The following LRP1B variants were observed in gnomAD, a reference collection of about 807,000 sequenced individuals.
LRP1B encodes the protein low-density lipoprotein receptor-related protein 1B.
A neutral mutation model predicts 556.6 loss-of-function variants in LRP1B; 217 were observed. The observed-to-expected ratio is 0.39, with a 90% confidence interval of 0.35 to 0.44. The LOEUF is 0.44. Among genes scored for constraint, LRP1B ranks in the 20% least tolerant of loss-of-function variants. The pLI is 1.00. For synonymous variants in LRP1B, 2,047 were observed against 1,865.8 expected (o/e 1.10, Z -2.50); for missense variants, 5,053 against 5,620.8 (o/e 0.90, Z 3.23).
intron 1 of LRP1B, among the ~76,000 whole-genome samples, chr2:142,034,553 G>A (rs1485947244): frequency 1.3e-5 from 2 of 151,576 alleles, no homozygotes; most frequent in African/African-American, 4.8e-5. Context: ...CTATTCTTTT[G>A]GAGAGTAGTA....
intron 41 of LRP1B, among the ~76,000 whole-genome samples, chr2:140,611,596 T>C (rs769709343): frequency 2.0e-5 from 3 of 152,020 alleles, no homozygotes; most frequent in Non-Finnish European, 2.9e-5. Flanking sequence ...AAGGAATAAG[T>C]ACAGAAAATT....
chr2:141,042,263 G>C (rs1413695343), intron 11 of LRP1B, among the ~76,000 whole-genome samples: 4 of 151,996 alleles, frequency 2.6e-5, no homozygotes, highest in Non-Finnish European at 5.9e-5. Context: ...AACTTTTTCT[G>C]GAGCAATCAA....
At chr2:141,644,729 T>TCA (rs3039268) in intron 2 of LRP1B, among the ~76,000 whole-genome samples, 22,215 of 141,098 alleles carry the variant, frequency 0.16, 2,063 homozygotes, top group African/African-American at 0.27. Context: ...CAGTCATTGA[T>TCA]CACACACACA....
chr2:141,657,335 A>G (rs1188121253), intron 2 of LRP1B, among the ~76,000 whole-genome samples: 2 of 152,122 alleles, frequency 1.3e-5, no homozygotes, highest in Non-Finnish European at 2.9e-5. Flanking sequence ...CTCAAGACTG[A>G]ACATTTAATT....
chr2:140,405,787 A>C (rs992273549), intron 66 of LRP1B, among the ~76,000 whole-genome samples: 1 of 152,152 alleles, frequency 6.6e-6, no homozygotes, highest in Non-Finnish European at 1.5e-5. Flanking sequence ...AATTTGTACC[A>C]ATCCTATGAA....
chr2:141,097,896 CTA>C (rs1208074252), intron 7 of LRP1B, among the ~76,000 whole-genome samples: 2 of 152,124 alleles, frequency 1.3e-5, no homozygotes, highest in Non-Finnish European at 2.9e-5. Context: ...GAGCCTAGAA[CTA>C]TGTTTGTAAA....
chr2:141,049,350 T>C, intron 10 of LRP1B, 128 bp from the exon 11 acceptor site: 1 of 675,072 alleles, frequency 1.5e-6, no homozygotes, highest in Non-Finnish European at 2.6e-6. Context: ...AACTCTAAAA[T>C]ATGCCAAATG....
intron 2 of LRP1B, among the ~76,000 whole-genome samples, chr2:141,776,068 G>C (rs932243460): frequency 6.6e-6 from 1 of 151,848 alleles, no homozygotes; most frequent in Non-Finnish European, 1.5e-5. Flanking sequence ...GGATGGTCTC[G>C]ATCTCCTGAC....
At chr2:141,757,100 T>C (rs1020746397) in intron 2 of LRP1B, among the ~76,000 whole-genome samples, 1 of 152,152 alleles carries the variant, frequency 6.6e-6, no homozygotes, top group Non-Finnish European at 1.5e-5. Flanking sequence ...ATTTTATAAA[T>C]ACAAACCTGT....
At chr2:141,586,749 T>C (rs1209826518) in intron 2 of LRP1B, among the ~76,000 whole-genome samples, 2 of 152,020 alleles carry the variant, frequency 1.3e-5, no homozygotes, top group African/African-American at 2.4e-5. Context: ...GAGACCATCC[T>C]GGCTAAGACG....
At chr2:141,123,739 GT>G (rs1442420726) in intron 7 of LRP1B, among the ~76,000 whole-genome samples, 1 of 151,998 alleles carries the variant, frequency 6.6e-6, no homozygotes, top group Non-Finnish European at 1.5e-5. Flanking sequence ...AAATTCTCAC[GT>G]TTTTGACATA....
intron 2 of LRP1B, among the ~76,000 whole-genome samples, chr2:141,655,872 T>C (rs1354984723): frequency 6.6e-6 from 1 of 152,108 alleles, no homozygotes; most frequent in Non-Finnish European, 1.5e-5. Context: ...CACACAAATG[T>C]ACCACTCTGA....
intron 43 of LRP1B, among the ~76,000 whole-genome samples, chr2:140,550,044 C>G (rs1211394096): frequency 2.6e-5 from 4 of 151,980 alleles, no homozygotes; most frequent in African/African-American, 4.8e-5. Flanking sequence ...ATGTGATGTT[C>G]CCCTCCTTGT....
At chr2:141,505,680 A>T (rs1040765080) in intron 2 of LRP1B, among the ~76,000 whole-genome samples, 2 of 152,064 alleles carry the variant, frequency 1.3e-5, no homozygotes, top group African/African-American at 2.4e-5. Flanking sequence ...TTTGAAATGG[A>T]CAAAATATTC....
At chr2:141,932,048 G>C (rs994547054) in intron 1 of LRP1B, among the ~76,000 whole-genome samples, 1 of 152,050 alleles carries the variant, frequency 6.6e-6, no homozygotes, top group Non-Finnish European at 1.5e-5. Context: ...AGGTGGACTA[G>C]ATTAGGAAGA....
At chr2:141,107,945 G>GA (rs1354358256) in intron 7 of LRP1B, among the ~76,000 whole-genome samples, 2 of 151,854 alleles carry the variant, frequency 1.3e-5, no homozygotes, top group African/African-American at 2.4e-5. Context: ...TACACAGTTG[G>GA]AAAAAAAGTA....
chr2:141,252,188 C>A (rs1342547500), intron 4 of LRP1B, among the ~76,000 whole-genome samples: 1 of 149,596 alleles, frequency 6.7e-6, no homozygotes, highest in East Asian at 2.0e-4. Context: ...TCCTCTCACC[C>A]CCACCACCCC....
intron 3 of LRP1B, among the ~76,000 whole-genome samples, chr2:141,348,136 T>A (rs150566635): frequency 1.5e-3 from 228 of 152,168 alleles, no homozygotes; most frequent in Middle Eastern, 3.4e-3. Context: ...AATTTCAATC[T>A]AACATTTATG....
In LRP1B at chr2:141,730,413, G is replaced by T. The variant is rs555697971; in HGVS notation, c.205+79866C>A. 8.5e-5 allele frequency among the ~76,000 whole-genome samples: 13 copies of T among 152,106 alleles called. No individual in the cohort carries two copies. In the East Asian group the frequency reaches 2.5e-3, roughly 30 times the overall value. Reference sequence around the variant, plus strand: ...GATTTGAATCACATCTGAACACCAGGGAGAAAAAGGAAAAAAAGAGCTTTG... The same window carrying T: ...GATTTGAATCACATCTGAACACCAGTGAGAAAAAGGAAAAAAAGAGCTTTG... On this transcript the variant is annotated intron_variant, in intron 2 of 90. Coordinates refer to ENST00000389484, the MANE Select transcript of LRP1B (RefSeq NM_018557.3).
Sources: allele counts gnomAD v4.1 joint callset (sites outside exome capture counted in the v4.1 genomes callset), GRCh38; gene constraint gnomAD v4.1.1; transcripts MANE v1.5; gene names NCBI Gene and HGNC (gene_info 2026-07-23, HGNC 2026-07-21).